EYS: variants seen among roughly 807,000 people sequenced by gnomAD.
The protein encoded by EYS is EGF-like photoreceptor maintenance factor, also known as protein eyes shut homolog.
EYS carries 250 observed loss-of-function variants against 282.1 expected under a neutral mutation model. The ratio of observed to expected loss-of-function variants is 0.89; its 90% CI spans 0.80 to 0.98. The LOEUF (loss-of-function observed/expected upper bound fraction) is 0.98. EYS is among the 50% of genes least tolerant of loss of function. The probability of loss-of-function intolerance (pLI) is 0.00; values close to 1 mark genes in which losing one functional copy is unlikely to be tolerated. For missense variants in EYS, 4,016 were observed against 3,709.0 expected (o/e 1.08, Z -2.15); for synonymous variants, 1,355 against 1,282.9 (o/e 1.06, Z -1.20).
rs1023623666 is a variant in EYS, at chr6:64,388,836, C to T, written c.5932G>A (p.Glu1978Lys). Residue 1978 changes from glutamate (E) to lysine (K), a missense_variant, in exon 29 of 43, where the codon GAA becomes AAA. Coordinates refer to ENST00000503581, the MANE Select transcript of EYS (RefSeq NM_001142800.2). ...AGCTCAGCGTTACATGGATCCAATT[C>T]TTGCCTGTAACCATTTAAGAAAGAA... ...GQKYTLLIRQ[E>K]LDPCNAELTI... 1 of 1,499,304 alleles carries T rather than the reference C, an allele frequency of 6.7e-7. No homozygotes were observed. The highest frequency in any genetic ancestry group is 1.4e-5 in the African/African-American group (1 of 70,790). 92.9% of individuals were successfully genotyped at this position (1,499,304 alleles called of 1,614,324 possible).
chr6:64,367,600 T>C (rs1225342478), intron 29 of EYS, among the ~76,000 whole-genome samples: 3 of 107,474 alleles, frequency 2.8e-5, no homozygotes, highest in African/African-American at 7.0e-5. Flanking sequence ...AAACACCTAG[T>C]TGGATTTCAG....
rs1180610349 is a variant in EYS at position 63,810,701 on chromosome 6, G to A, written c.7229-4329C>T. ...GCCCATGGCTGAAGAAAACACACTC[G>A]AGCTAAACATACAATTCAAGTGGGC... On this transcript the variant is annotated intron_variant, in intron 36 of 42. Transcript: ENST00000503581. Among the ~76,000 whole-genome samples the A allele has an allele frequency of 3.3e-5, 5 of 152,098 alleles. No individual in the cohort carries two copies. In the East Asian group the frequency reaches 5.8e-4, roughly 18 times the overall value.
At chr6:65,172,882 A>G (rs998162000) in intron 12 of EYS, among the ~76,000 whole-genome samples, 3 of 151,158 alleles carry the variant, frequency 2.0e-5, no homozygotes, top group Non-Finnish European at 1.5e-5. Context: ...AGTATGCTTG[A>G]CATGTATTAT....
At chr6:63,991,838 A>C (rs901118544) in intron 34 of EYS, among the ~76,000 whole-genome samples, 2 of 151,782 alleles carry the variant, frequency 1.3e-5, no homozygotes, top group Non-Finnish European at 2.9e-5. Context: ...AAAGATGCAC[A>C]AAAAAGGCAA....
In EYS at chr6:64,551,116, GCATATATACACACA is replaced by G. The variant is rs530908530; in HGVS notation, c.5644+39093_5644+39106del. Among the ~76,000 whole-genome samples the G allele has an allele frequency of 4.9e-3, 714 of 146,340 alleles. 5 individuals are homozygous for G. The highest frequency in any genetic ancestry group is 0.018 in the South Asian group (84 of 4,592). The stretch of plus-strand genomic sequence containing the variant: ...CATATAATTTAAATGATATACACAC[GCATATATACACACA>G]CATATATACACATATATGTATATAC... On this transcript the variant is annotated intron_variant, in intron 26 of 42. Coordinates refer to ENST00000503581, the MANE Select transcript of EYS (RefSeq NM_001142800.2).
intron 5 of EYS, among the ~76,000 whole-genome samples, chr6:65,456,663 T>C (rs1436618045): frequency 6.6e-6 from 1 of 151,862 alleles, no homozygotes; most frequent in East Asian, 1.9e-4. Flanking sequence ...CAAAAGCATA[T>C]GATAATTTTA....
chr6:65,694,245 C>A (rs2149846690), intron 1 of EYS, among the ~76,000 whole-genome samples: 1 of 148,720 alleles, frequency 6.7e-6, no homozygotes, highest in East Asian at 2.3e-4. Flanking sequence ...GCAACAAGAG[C>A]AAAACTCTAT....
intron 29 of EYS, among the ~76,000 whole-genome samples, chr6:64,385,248 A>C (rs1022548372): frequency 6.6e-6 from 1 of 152,208 alleles, no homozygotes; most frequent in African/African-American, 2.4e-5. Context: ...TCATCTAGAT[A>C]CATTTTACAG....
chr6:65,636,703 A>G (rs1376507881), intron 2 of EYS, among the ~76,000 whole-genome samples: 1 of 152,188 alleles, frequency 6.6e-6, no homozygotes, highest in Non-Finnish European at 1.5e-5. Flanking sequence ...TTAATGTTTT[A>G]TTATGATATA....
At chr6:64,668,736 T>C (rs1769329766) in intron 22 of EYS, among the ~76,000 whole-genome samples, 1 of 151,350 alleles carries the variant, frequency 6.6e-6, no homozygotes, top group Admixed American at 6.6e-5. Context: ...AGCTAATTTT[T>C]TGTATTTTTT....
intron 2 of EYS, among the ~76,000 whole-genome samples, chr6:65,531,223 C>T (rs1450365212): frequency 1.3e-5 from 2 of 151,972 alleles, no homozygotes; most frequent in Admixed American, 6.6e-5. Flanking sequence ...TAATGTTCTC[C>T]CGGCAAGAGG....
intron 31 of EYS, among the ~76,000 whole-genome samples, chr6:64,204,432 T>A (rs1476912272): frequency 1.3e-5 from 2 of 152,160 alleles, no homozygotes; most frequent in African/African-American, 4.8e-5. Flanking sequence ...CATCTTTTTT[T>A]AATTGTAGCA....
At chr6:64,955,673 T>G (rs1769679031) in intron 14 of EYS, among the ~76,000 whole-genome samples, 1 of 152,206 alleles carries the variant, frequency 6.6e-6, no homozygotes, top group African/African-American at 2.4e-5. Flanking sequence ...TGGGTTTTGC[T>G]TAGGCATTCT....
intron 21 of EYS, chr6:64,815,149 C>A: frequency 4.9e-6 from 2 of 406,932 alleles, no homozygotes; most frequent in South Asian, 1.8e-5. Flanking sequence ...TCTTGTACAC[C>A]CCCACCCCCT....
chr6:64,093,804 G>T (rs1375093893), intron 31 of EYS, among the ~76,000 whole-genome samples: 10 of 152,148 alleles, frequency 6.6e-5, no homozygotes, highest in Non-Finnish European at 1.5e-4. Flanking sequence ...GAATAGGAGT[G>T]GCGAGAGAGG....
chr6:64,394,191 A>G (rs1197048549), intron 28 of EYS, among the ~76,000 whole-genome samples: 1 of 152,228 alleles, frequency 6.6e-6, no homozygotes, highest in Non-Finnish European at 1.5e-5. Flanking sequence ...AATATTGTGA[A>G]AATGGCCATA....
Position 65,204,217 on chromosome 6 carries a change from G to T in EYS, c.2023+91646C>A, listed in dbSNP as rs1765972048. On this transcript the variant is annotated intron_variant, in intron 12 of 42. Transcript: ENST00000503581. The stretch of plus-strand genomic sequence containing the variant: ...ATACAATAAATTTAGAGAATACCTG[G>T]AATATATTATACAGAATGTACATTA... 2.0e-5 allele frequency among the ~76,000 whole-genome samples: 3 copies of T among 151,840 alleles called. No homozygotes were observed. In the South Asian group the frequency reaches 6.2e-4, roughly 32 times the overall value.
chr6:65,346,879 CAT>C (rs994289914), intron 9 of EYS, among the ~76,000 whole-genome samples: 10 of 151,856 alleles, frequency 6.6e-5, no homozygotes, highest in African/African-American at 1.2e-4. Context: ...CTACTATACA[CAT>C]GATTCTACAC....
In EYS at chr6:64,966,329, T is replaced by TG. The variant is rs202088926; in HGVS notation, c.2260-20416dup. Among the ~76,000 whole-genome samples the TG allele has an allele frequency of 2.5e-3, 382 of 151,756 alleles. 2 individuals are homozygous for TG. The highest frequency in any genetic ancestry group is 8.2e-3 in the African/African-American group (338 of 41,404). ...TCAAAATCTAGAAAGAAATTGGTGT[T>TG]GGGGGGGGTATTGTTTAACTTGTTA... On this transcript the variant is annotated intron_variant, in intron 14 of 42. Coordinates refer to ENST00000503581, the MANE Select transcript of EYS (RefSeq NM_001142800.2).
Sources: gnomAD v4.1 joint callset for allele counts (sites outside exome capture counted in the v4.1 genomes callset) on GRCh38, gnomAD v4.1.1 for gene constraint, MANE v1.5 for transcripts, NCBI Gene and HGNC (gene_info 2026-07-23, HGNC 2026-07-21) for gene names.